Variants in CDH11 observed in about 807,000 individuals in gnomAD.
CDH11 encodes the protein cadherin 11, also known as cadherin-11.
Under a neutral mutation model 67.8 loss-of-function variants are expected in CDH11, and 11 were observed. That is an observed-to-expected ratio of 0.16 (90% CI 0.10 to 0.27). The LOEUF is 0.27. Ranked by LOEUF, CDH11 falls within the 10% of genes least tolerant of loss-of-function variation. CDH11 has a pLI of 1.00. For missense variants in CDH11, 847 were observed against 1,031.2 expected (o/e 0.82, Z 2.45); for synonymous variants, 419 against 400.0 (o/e 1.05, Z -0.57).
chr16:64,968,457 A>T, intron 11 of CDH11: 1 of 983,912 alleles, frequency 1.0e-6, no homozygotes, highest in Non-Finnish European at 1.2e-6. Flanking sequence ...CATGCTCTTC[A>T]TCTGCCCAAA....
intron 6 of CDH11, among the ~76,000 whole-genome samples, chr16:64,990,390 C>A (rs531324994): frequency 2.0e-5 from 3 of 152,094 alleles, no homozygotes; most frequent in Non-Finnish European, 4.4e-5. Flanking sequence ...TTCCTGGGGC[C>A]ACATTTAGTA....
chr16:64,947,334 C>T lies in CDH11; in HGVS notation c.*269G>A, dbSNP rs1173862285. ...ATTGTCAGTTCAGCGTTAGACTTCT[C>T]CTTCACTTAAATATTTTGTATGCCA... On this transcript the variant is annotated 3_prime_UTR_variant, in exon 13 of 13. Transcript: ENST00000268603. 1.6e-6 allele frequency: 2 copies of T among 1,232,900 alleles called. No individual in the cohort carries two copies. Among genetic ancestry groups the T allele is most frequent in the Non-Finnish European group, 2.0e-6 (2 of 983,158 alleles). The allele number at this position is 1,232,900 out of a possible 1,614,324, so 76.4% of individuals were successfully genotyped here. A position where few individuals can be genotyped will look rare whatever the true frequency, so the allele number is the denominator to read the frequency against.
intron 12 of CDH11, among the ~76,000 whole-genome samples, chr16:64,949,739 T>C (rs771776910): frequency 2.3e-4 from 35 of 152,226 alleles, no homozygotes; most frequent in Non-Finnish European, 3.8e-4. Context: ...GTCAGGTGCT[T>C]TCTACTCTGT....
intron 2 of CDH11, among the ~76,000 whole-genome samples, chr16:65,035,118 G>C (rs1053323627): frequency 5.9e-5 from 9 of 152,210 alleles, no homozygotes; most frequent in African/African-American, 2.2e-4. Context: ...CCAGCGAGAG[G>C]AGGAACCCTG....
At position 65,121,762 on chromosome 16, in the gene CDH11, T is replaced by A; in HGVS notation, c.-298+118A>T. On this transcript the variant is annotated intron_variant, in intron 1 of 12. Coordinates refer to ENST00000268603, the MANE Select transcript of CDH11 (RefSeq NM_001797.4). This position sits in a 1 kb window ranked among gnomAD's most constrained non-coding sequence, Gnocchi z 4.1. ...GTTAGTGAAGCCTTCTCGACTCAGATACCACCGTCCCCCTCACCACCCCGC... is the reference window on the plus strand; with the variant it reads ...GTTAGTGAAGCCTTCTCGACTCAGAAACCACCGTCCCCCTCACCACCCCGC... 1 of 696,028 alleles carries A rather than the reference T, an allele frequency of 1.4e-6. No homozygotes were observed. Among genetic ancestry groups the A allele is most frequent in the Non-Finnish European group, 2.6e-6 (1 of 382,640 alleles). 43.1% of individuals were successfully genotyped at this position (696,028 alleles called of 1,614,324 possible). A position where few individuals can be genotyped will look rare whatever the true frequency, so the allele number is the denominator to read the frequency against.
At chr16:65,005,232 C>G (rs1235041559) in intron 2 of CDH11, among the ~76,000 whole-genome samples, 191 bp from the exon 3 acceptor site, 2 of 152,170 alleles carry the variant, frequency 1.3e-5, no homozygotes, top group South Asian at 2.1e-4. Context: ...CAGTACAAAG[C>G]TGTCACTGGG....
chr16:65,004,980 G>A lies in CDH11; in HGVS notation c.-111C>T. The A allele has an allele frequency of 2.1e-6, 3 of 1,426,080 alleles. No homozygotes were observed. Among genetic ancestry groups the A allele is most frequent in the Non-Finnish European group, 2.8e-6 (3 of 1,086,574 alleles). The allele number at this position is 1,426,080 out of a possible 1,614,324, so 88.3% of individuals were successfully genotyped here. On this transcript the variant is annotated 5_prime_UTR_variant, in exon 3 of 13. Coordinates refer to ENST00000268603, the MANE Select transcript of CDH11 (RefSeq NM_001797.4). Reference sequence around the variant, plus strand: ...GACGCGTCACGCAGACCTCTCTTGGGATGGAATGTCTCTGCTGGTTGAGCT... The same window carrying A: ...GACGCGTCACGCAGACCTCTCTTGGAATGGAATGTCTCTGCTGGTTGAGCT...
chr16:64,945,215 G>A lies in CDH11; in HGVS notation c.*2388C>T, dbSNP rs1459530648. 2.8e-5 allele frequency: 6 copies of A among 212,938 alleles called. No homozygotes were observed. Among genetic ancestry groups the A allele is most frequent in the Admixed American group, 6.1e-5 (1 of 16,458 alleles). The allele number at this position is 212,938 out of a possible 1,614,324, so 13.2% of individuals were successfully genotyped here. On this transcript the variant is annotated 3_prime_UTR_variant, in exon 13 of 13. Coordinates refer to ENST00000268603, the MANE Select transcript of CDH11 (RefSeq NM_001797.4). ...AGGCAATGTGCTCCAAATGAAAAAG[G>A]ACTCCACTAGTTGGGAAAGACATTT...
intron 1 of CDH11, among the ~76,000 whole-genome samples, chr16:65,062,736 G>A (rs2142744802): frequency 6.6e-6 from 1 of 152,250 alleles, no homozygotes; most frequent in South Asian, 2.1e-4. Context: ...TTATAATCAG[G>A]TAGACAAAGG....
intron 1 of CDH11, among the ~76,000 whole-genome samples, chr16:65,082,351 C>T (rs973598519): frequency 1.2e-4 from 19 of 152,300 alleles, no homozygotes; most frequent in Admixed American, 5.9e-4. Context: ...GTGAGCCCCT[C>T]ACCATAGGAA....
chr16:65,039,712 G>A (rs1328270511), intron 2 of CDH11, among the ~76,000 whole-genome samples: 2 of 152,070 alleles, frequency 1.3e-5, no homozygotes, highest in East Asian at 1.9e-4. Flanking sequence ...TGACAAATGG[G>A]ATCTAATTAA....
At chr16:65,117,964 A>T (rs902627490) in intron 1 of CDH11, among the ~76,000 whole-genome samples, 1 of 152,158 alleles carries the variant, frequency 6.6e-6, no homozygotes, top group African/African-American at 2.4e-5. Context: ...TGGGAAGAAG[A>T]TGCTGAAGGT....
chr16:65,070,459 A>G (rs559299063), intron 1 of CDH11, among the ~76,000 whole-genome samples: 2 of 152,274 alleles, frequency 1.3e-5, no homozygotes, highest in South Asian at 2.1e-4. Context: ...GCTCGACTCA[A>G]CTGTACAAGT....
In CDH11 at chr16:64,977,711, G is replaced by C. The variant is rs148512428; in HGVS notation, c.1253+4337C>G. ...AGACAGATCTGGGCTGAAATCCAGTGTTCAATACTGACTGTCCACGTGACT... is the reference window on the plus strand; with the variant it reads ...AGACAGATCTGGGCTGAAATCCAGTCTTCAATACTGACTGTCCACGTGACT... On this transcript the variant is annotated intron_variant, in intron 8 of 12. Coordinates refer to ENST00000268603, the MANE Select transcript of CDH11 (RefSeq NM_001797.4). Among the ~76,000 whole-genome samples the C allele has an allele frequency of 2.2e-3, 341 of 152,274 alleles. 3 individuals are homozygous for C. The highest frequency in any genetic ancestry group is 7.5e-3 in the African/African-American group (313 of 41,562).
intron 1 of CDH11, among the ~76,000 whole-genome samples, chr16:65,098,739 C>T (rs1400738622): frequency 6.6e-6 from 1 of 152,104 alleles, no homozygotes; most frequent in East Asian, 1.9e-4. Context: ...TATCAAATGC[C>T]TATTACTTAA....
intron 1 of CDH11, among the ~76,000 whole-genome samples, chr16:65,081,568 C>CAA (rs200604783): frequency 1.6e-5 from 1 of 60,692 alleles, no homozygotes; most frequent in Non-Finnish European, 3.4e-5. Context: ...GACTCTGTCT[C>CAA]AAAAAAAAAA....
intron 2 of CDH11, among the ~76,000 whole-genome samples, chr16:65,024,633 T>C (rs1299724274): frequency 6.6e-6 from 1 of 152,356 alleles, no homozygotes; most frequent in Admixed American, 6.5e-5. Flanking sequence ...TATTAGTCAA[T>C]GTTGGTCTCA....
At chr16:65,041,535 C>T (rs891017618) in intron 2 of CDH11, among the ~76,000 whole-genome samples, 11 of 152,134 alleles carry the variant, frequency 7.2e-5, no homozygotes, top group Admixed American at 2.6e-4. Context: ...CTACAACATC[C>T]GCACATAATT....
At chr16:64,979,825 A>G (rs1167091628) in intron 8 of CDH11, among the ~76,000 whole-genome samples, 1 of 151,916 alleles carries the variant, frequency 6.6e-6, no homozygotes, top group Non-Finnish European at 1.5e-5. Context: ...ACATGTATCC[A>G]AATGATAAAT....
Sources: gnomAD v4.1 joint callset for allele counts (sites outside exome capture counted in the v4.1 genomes callset) on GRCh38, gnomAD v4.1.1 for gene constraint, Gnocchi (gnomAD v3.1) non-coding constraint, MANE v1.5 for transcripts, NCBI Gene and HGNC (gene_info 2026-07-23, HGNC 2026-07-21) for gene names.